NTNG1: variants seen among roughly 807,000 people sequenced by gnomAD.
The protein encoded by NTNG1 is netrin G1.
A neutral mutation model predicts 54.0 loss-of-function variants in NTNG1; 16 were observed. The ratio of observed to expected loss-of-function variants is 0.30; its 90% CI spans 0.20 to 0.45. NTNG1 has a LOEUF of 0.45. NTNG1 is among the 20% of genes least tolerant of loss of function. NTNG1 has a pLI of 1.00. For missense variants in NTNG1, 530 were observed against 678.7 expected, an observed-to-expected ratio of 0.78 and a Z score of 2.43; for synonymous variants, 255 against 263.1, an observed-to-expected ratio of 0.97 and a Z score of 0.30.
At chr1:107,379,658 GTAA>G (rs1213537766) in intron 3 of NTNG1, among the ~76,000 whole-genome samples, 2 of 152,122 alleles carry the variant, frequency 1.3e-5, no homozygotes, top group Admixed American at 6.5e-5. Flanking sequence ...AATGAAGGTG[GTAA>G]TAATGATAGC....
At chr1:107,167,930 T>A (rs1655930061) in intron 2 of NTNG1, among the ~76,000 whole-genome samples, 1 of 152,056 alleles carries the variant, frequency 6.6e-6, no homozygotes, top group Admixed American at 6.6e-5. Context: ...ATAAGGCTTA[T>A]GAAAGGCTCT....
At chr1:107,202,709 G>C (rs976631953) in intron 2 of NTNG1, among the ~76,000 whole-genome samples, 3 of 151,616 alleles carry the variant, frequency 2.0e-5, no homozygotes, top group African/African-American at 7.3e-5. Context: ...ACAATTCTAT[G>C]AGTTGCAATG....
intron 2 of NTNG1, among the ~76,000 whole-genome samples, chr1:107,294,489 T>A (rs895896642): frequency 2.0e-5 from 3 of 152,176 alleles, no homozygotes; most frequent in Non-Finnish European, 4.4e-5. Flanking sequence ...ACCTCCTTCC[T>A]TTTTTCCTTT....
intron 7 of NTNG1, among the ~76,000 whole-genome samples, chr1:107,444,400 G>T (rs2101442202): frequency 6.6e-6 from 1 of 152,194 alleles, no homozygotes; most frequent in Non-Finnish European, 1.5e-5. Context: ...GCAGTGAGTT[G>T]TTCTGAATGT....
At chr1:107,222,200 A>G (rs1040228280) in intron 2 of NTNG1, among the ~76,000 whole-genome samples, 3 of 152,106 alleles carry the variant, frequency 2.0e-5, no homozygotes, top group Admixed American at 6.6e-5. Context: ...GGGGACTCCC[A>G]TAGCACCCTG....
intron 2 of NTNG1, among the ~76,000 whole-genome samples, chr1:107,208,942 C>T (rs546754323): frequency 9.2e-5 from 14 of 152,204 alleles, no homozygotes; most frequent in East Asian, 1.9e-4. Context: ...TTACTTGTCT[C>T]GTTGGTAAAT....
chr1:107,300,977 CCTTTTTT>C (rs1045270758), intron 2 of NTNG1, among the ~76,000 whole-genome samples: 2 of 151,910 alleles, frequency 1.3e-5, no homozygotes, highest in African/African-American at 4.8e-5. Context: ...TAGATTCTTT[CCTTTTTT>C]CTTTTTTTCT....
intron 7 of NTNG1, among the ~76,000 whole-genome samples, chr1:107,466,946 T>G (rs1351333564): frequency 1.3e-5 from 2 of 152,202 alleles, no homozygotes; most frequent in Non-Finnish European, 2.9e-5. Flanking sequence ...TAAGCAGATC[T>G]GTTCTCACTC....
chr1:107,244,747 A>G (rs1257613964), intron 2 of NTNG1, among the ~76,000 whole-genome samples: 1 of 152,010 alleles, frequency 6.6e-6, no homozygotes, highest in Non-Finnish European at 1.5e-5. Flanking sequence ...TCTCTTACAC[A>G]TGCCTTACAC....
chr1:107,288,404 G>T (rs1665348972), intron 2 of NTNG1, among the ~76,000 whole-genome samples: 1 of 152,128 alleles, frequency 6.6e-6, no homozygotes, highest in African/African-American at 2.4e-5. Context: ...TGTTTGAGAG[G>T]CATTTGCATT....
chr1:107,317,501 A>T (rs748767491), intron 2 of NTNG1, among the ~76,000 whole-genome samples: 1 of 152,162 alleles, frequency 6.6e-6, no homozygotes, highest in Non-Finnish European at 1.5e-5. Flanking sequence ...TGTCCAGTAC[A>T]TGCAAAGTAA....
chr1:107,467,658 G>A (rs1002783110), intron 7 of NTNG1, among the ~76,000 whole-genome samples: 2 of 152,196 alleles, frequency 1.3e-5, no homozygotes, highest in Non-Finnish European at 2.9e-5. Flanking sequence ...CAAATTTTGA[G>A]TGTCTCAGGA....
intron 2 of NTNG1, among the ~76,000 whole-genome samples, chr1:107,261,732 A>C (rs12143883): frequency 0.039 from 5,948 of 152,154 alleles, 128 homozygotes; most frequent in Non-Finnish European, 0.05. Context: ...AGTCCCAGCT[A>C]CTCGGGAGGC....
At position 107,484,092 on chromosome 1, in the gene NTNG1, T is replaced by C. The variant is rs531358677; in HGVS notation, c.*3252T>C. On this transcript the variant is annotated 3_prime_UTR_variant, in exon 8 of 8. Transcript: ENST00000370068. Reference sequence around the variant, plus strand: ...GTAGGCCCCCTCTGGGGGTTTAAACTCCTGGAGGCAAGCAACATCCTGAGT... The same window carrying C: ...GTAGGCCCCCTCTGGGGGTTTAAACCCCTGGAGGCAAGCAACATCCTGAGT... Among the ~76,000 whole-genome samples the C allele has an allele frequency of 1.3e-5, 2 of 152,180 alleles. No individual in the cohort carries two copies. The highest frequency in any genetic ancestry group is 2.9e-5 in the Non-Finnish European group (2 of 68,034).
intron 7 of NTNG1, among the ~76,000 whole-genome samples, chr1:107,478,188 G>A (rs939731354): frequency 1.7e-4 from 26 of 152,092 alleles, no homozygotes; most frequent in African/African-American, 6.3e-4. Context: ...ACAGTTAGAG[G>A]GCACTGTATG....
At chr1:107,440,146 A>T (rs1570966386) in intron 7 of NTNG1, among the ~76,000 whole-genome samples, 1 of 152,026 alleles carries the variant, frequency 6.6e-6, no homozygotes, top group Admixed American at 6.6e-5. Context: ...TTAGGTAGGC[A>T]CTGCCAGGGA....
At chr1:107,349,194 T>A (rs1018713408) in intron 3 of NTNG1, among the ~76,000 whole-genome samples, 1 of 152,204 alleles carries the variant, frequency 6.6e-6, no homozygotes, top group Non-Finnish European at 1.5e-5. Flanking sequence ...ATTTCATGGA[T>A]TCCTTCGCAT....
At chr1:107,374,893 C>A (rs1032038179) in intron 3 of NTNG1, among the ~76,000 whole-genome samples, 1 of 151,948 alleles carries the variant, frequency 6.6e-6, no homozygotes, top group African/African-American at 2.4e-5. Flanking sequence ...TCGGATCTTG[C>A]TTTTCTGACT....
At chr1:107,453,358 T>C (rs1231217232) in intron 7 of NTNG1, among the ~76,000 whole-genome samples, 1 of 152,170 alleles carries the variant, frequency 6.6e-6, no homozygotes, top group Non-Finnish European at 1.5e-5. Flanking sequence ...TGGATTTTCA[T>C]CTAAAACTTC....
Sources: gnomAD v4.1 joint callset for allele counts (sites outside exome capture counted in the v4.1 genomes callset) on GRCh38, gnomAD v4.1.1 for gene constraint, MANE v1.5 for transcripts, NCBI Gene and HGNC (gene_info 2026-07-23, HGNC 2026-07-21) for gene names.